The following BABAM2 variants were observed in gnomAD, a reference collection of about 807,000 sequenced individuals.
BABAM2 encodes BRISC and BRCA1-A complex member 2.
A neutral mutation model predicts 54.7 loss-of-function variants in BABAM2; 31 were observed. The observed-to-expected ratio is 0.57, with a 90% CI of 0.43 to 0.77. The LOEUF is 0.77. BABAM2 is among the 30% of genes least tolerant of loss of function. BABAM2 has a pLI of 0.00. For synonymous variants in BABAM2, 167 were observed against 162.9 expected (o/e 1.03, Z -0.19); for missense variants, 364 against 455.8 (o/e 0.80, Z 1.83).
chr2:28,196,321 C>CGTCTCAAAAAAAAAAAAAA lies in BABAM2; in HGVS notation c.681-40881_681-40880insGTCTCAAAAAAAAAAAAAA, dbSNP rs1360883175. ...CAGCCTGGGCAACAGAGCAAGACTC[C>CGTCTCAAAAAAAAAAAAAA]ATATAAAAAAAAAATGAATTTTTTA... is the stretch of plus-strand genomic sequence containing the variant. On this transcript the variant is annotated intron_variant, in intron 7 of 11. Transcript: ENST00000379624. Among the ~76,000 whole-genome samples, 9 of 107,544 alleles carry CGTCTCAAAAAAAAAAAAAA rather than the reference C, an allele frequency of 8.4e-5. 2 individuals carry two copies. Among genetic ancestry groups the CGTCTCAAAAAAAAAAAAAA allele is most frequent in the Non-Finnish European group, 2.2e-4 (9 of 40,928 alleles). The allele number at this position is 107,544 out of a possible 152,430, so 70.6% of individuals were successfully genotyped here.
intron 11 of BABAM2, among the ~76,000 whole-genome samples, chr2:28,320,199 G>T (rs538846893): frequency 6.6e-6 from 1 of 152,242 alleles, no homozygotes; most frequent in African/African-American, 2.4e-5. Context: ...TGGGAAGAAA[G>T]AGGCAGCGAG....
intron 11 of BABAM2, among the ~76,000 whole-genome samples, chr2:28,324,014 C>T (rs770773827): frequency 5.3e-5 from 8 of 152,192 alleles, no homozygotes; most frequent in Non-Finnish European, 1.0e-4. Flanking sequence ...AAAAGCTACA[C>T]GATGCAGATC....
intron 3 of BABAM2, among the ~76,000 whole-genome samples, chr2:27,968,522 A>C (rs1670982187): frequency 6.6e-6 from 1 of 152,234 alleles, no homozygotes; most frequent in Non-Finnish European, 1.5e-5. Flanking sequence ...GAGCCCCCAC[A>C]CAGAGTTCCT....
chr2:28,096,131 G>A (rs1443989186), intron 6 of BABAM2, among the ~76,000 whole-genome samples: 25 of 152,250 alleles, frequency 1.6e-4, no homozygotes, highest in South Asian at 2.1e-4. Context: ...CCAGGCTCCT[G>A]TTGGTTCAGG....
intron 7 of BABAM2, among the ~76,000 whole-genome samples, chr2:28,187,662 A>ATTTTTTTTTTTTTTTTTTTTTTTTT (rs35839748): frequency 1.0e-5 from 1 of 99,162 alleles, no homozygotes; most frequent in Non-Finnish European, 2.0e-5. Context: ...GAACTTTGGA[A>ATTTTTTTTTTTTTTTTTTTTTTTTT]TTTTTTTTTT....
At chr2:28,265,765 T>C (rs1011512001) in intron 10 of BABAM2, among the ~76,000 whole-genome samples, 17 of 152,206 alleles carry the variant, frequency 1.1e-4, no homozygotes, top group Admixed American at 5.2e-4. Context: ...ATACAAAACA[T>C]AGGGACTCTC....
intron 10 of BABAM2, among the ~76,000 whole-genome samples, chr2:28,278,767 A>G (rs564789516): frequency 3.7e-4 from 57 of 152,332 alleles, no homozygotes; most frequent in South Asian, 2.1e-4. Context: ...GAGACCAATC[A>G]GCAGCAGAGG....
chr2:28,203,075 A>C (rs1443564286), intron 7 of BABAM2, among the ~76,000 whole-genome samples: 3 of 152,198 alleles, frequency 2.0e-5, no homozygotes, highest in African/African-American at 7.2e-5. Flanking sequence ...AAGAAAGCCA[A>C]AATGAAGTGT....
intron 9 of BABAM2, 100 bp downstream of exon 9, chr2:28,241,493 A>C (rs1573912801): frequency 9.0e-7 from 1 of 1,110,346 alleles, no homozygotes; most frequent in Admixed American, 2.0e-5. Flanking sequence ...TAGTTCTTAC[A>C]CATGATACCT....
intron 7 of BABAM2, among the ~76,000 whole-genome samples, chr2:28,197,729 G>A (rs1677765764): frequency 6.6e-6 from 1 of 152,170 alleles, no homozygotes. Flanking sequence ...GTTTCTCCCA[G>A]TATGTATGAC....
intron 3 of BABAM2, among the ~76,000 whole-genome samples, chr2:27,956,423 A>G (rs1190980157): frequency 6.6e-6 from 1 of 152,236 alleles, no homozygotes; most frequent in Non-Finnish European, 1.5e-5. Flanking sequence ...TTTGATGTCC[A>G]GATTATTTCT....
intron 6 of BABAM2, among the ~76,000 whole-genome samples, chr2:28,073,613 C>T (rs1664372907): frequency 6.6e-6 from 1 of 152,008 alleles, no homozygotes; most frequent in South Asian, 2.1e-4. Flanking sequence ...AATTCTACCC[C>T]CTAGAAATGA....
At chr2:28,013,647 T>C (rs1009307387) in intron 4 of BABAM2, among the ~76,000 whole-genome samples, 2 of 138,768 alleles carry the variant, frequency 1.4e-5, no homozygotes, top group Non-Finnish European at 3.1e-5. Context: ...AATGGTCTGA[T>C]TGATTTTGTC....
intron 6 of BABAM2, among the ~76,000 whole-genome samples, chr2:28,110,159 A>G (rs945078835): frequency 2.6e-5 from 4 of 152,096 alleles, no homozygotes; most frequent in Admixed American, 2.6e-4. Context: ...TAGTTAGTAT[A>G]ATGTCCTCGA....
intron 3 of BABAM2, among the ~76,000 whole-genome samples, chr2:27,939,172 C>G (rs1201492242): frequency 2.0e-5 from 3 of 152,070 alleles, no homozygotes; most frequent in African/African-American, 7.2e-5. Flanking sequence ...AGGATGGTCT[C>G]GATGTCTTGA....
At chr2:28,315,027 AG>A in intron 11 of BABAM2, among the ~76,000 whole-genome samples, 1 of 3,648 alleles carries the variant, frequency 2.7e-4, no homozygotes. Context: ...AGAGAAGGAG[AG>A]AGAGAGAAGA....
intron 10 of BABAM2, among the ~76,000 whole-genome samples, chr2:28,251,924 C>T (rs1683525050): frequency 6.6e-6 from 1 of 152,158 alleles, no homozygotes; most frequent in African/African-American, 2.4e-5. Flanking sequence ...GGTGCAGTGG[C>T]TCATGCCCGT....
intron 7 of BABAM2, among the ~76,000 whole-genome samples, chr2:28,174,895 G>A (rs1172362771): frequency 6.6e-6 from 1 of 152,036 alleles, no homozygotes; most frequent in African/African-American, 2.4e-5. Context: ...CTACCTAGAG[G>A]GCTACTGTGG....
chr2:27,910,321 G>C (rs1666491055), intron 2 of BABAM2, among the ~76,000 whole-genome samples: 1 of 152,140 alleles, frequency 6.6e-6, no homozygotes, highest in African/African-American at 2.4e-5. Flanking sequence ...AAAGTCATTA[G>C]AAAGCATCAG....
Sources: allele counts gnomAD v4.1 joint callset (sites outside exome capture counted in the v4.1 genomes callset), GRCh38; gene constraint gnomAD v4.1.1; transcripts MANE v1.5; gene names NCBI Gene and HGNC (gene_info 2026-07-23, HGNC 2026-07-21).